Variants in PRKCE observed in about 807,000 individuals in gnomAD.
The protein encoded by PRKCE is protein kinase C epsilon type.
A neutral mutation model predicts 85.4 loss-of-function variants in PRKCE; 16 were observed. The observed-to-expected ratio is 0.19, with a 90% CI of 0.13 to 0.28. PRKCE has a LOEUF of 0.28. Ranked by LOEUF, PRKCE falls within the 10% of genes least tolerant of loss-of-function variation. The pLI is 1.00. For missense variants in PRKCE, 573 were observed against 975.2 expected (o/e 0.59, Z 5.49); for synonymous variants, 388 against 371.5 (o/e 1.04, Z -0.51).
At chr2:46,177,956 G>A (rs976665866) in intron 14 of PRKCE, among the ~76,000 whole-genome samples, 1 of 152,104 alleles carries the variant, frequency 6.6e-6, no homozygotes, top group Non-Finnish European at 1.5e-5. Flanking sequence ...CCACTACCAA[G>A]GATATGGATT....
At chr2:45,933,779 C>G (rs1699240548) in intron 2 of PRKCE, among the ~76,000 whole-genome samples, 1 of 152,108 alleles carries the variant, frequency 6.6e-6, no homozygotes, top group South Asian at 2.1e-4. Context: ...CCCAGCATGC[C>G]TGCCTTTTTA....
chr2:46,174,087 T>C (rs536935697), intron 14 of PRKCE, among the ~76,000 whole-genome samples: 2 of 152,384 alleles, frequency 1.3e-5, no homozygotes, highest in East Asian at 1.9e-4. Context: ...GTGTGTCTAC[T>C]GACTGCCTCC....
chr2:46,052,873 C>G (rs1005156527), intron 10 of PRKCE, among the ~76,000 whole-genome samples: 1 of 152,136 alleles, frequency 6.6e-6, no homozygotes. Flanking sequence ...AATTGATTTC[C>G]AAGAAGAGTA....
chr2:45,940,987 G>A (rs2595194), intron 2 of PRKCE, among the ~76,000 whole-genome samples: 24,969 of 147,306 alleles, frequency 0.17, 2,770 homozygotes, highest in East Asian at 0.53. Flanking sequence ...ACTCGCTTGA[G>A]CCTGGGAGGT....
intron 1 of PRKCE, among the ~76,000 whole-genome samples, chr2:45,825,998 G>T (rs1689914144): frequency 6.6e-6 from 1 of 152,214 alleles, no homozygotes; most frequent in Admixed American, 6.5e-5. Context: ...AAAGTTAACA[G>T]AAGCAGGGCT....
At chr2:45,948,129 A>G (rs146411816) in intron 2 of PRKCE, among the ~76,000 whole-genome samples, 106 of 152,348 alleles carry the variant, frequency 7.0e-4, no homozygotes, top group Admixed American at 1.6e-3. Context: ...GTGCAGAACA[A>G]TCACTTATTA....
intron 1 of PRKCE, among the ~76,000 whole-genome samples, chr2:45,794,850 C>CT (rs1029976359): frequency 1.3e-5 from 2 of 151,224 alleles, no homozygotes; most frequent in African/African-American, 4.9e-5. Flanking sequence ...GCCCTACCCC[C>CT]CCCCCCATCC....
At chr2:45,816,170 G>T (rs1473499692) in intron 1 of PRKCE, among the ~76,000 whole-genome samples, 1 of 152,156 alleles carries the variant, frequency 6.6e-6, no homozygotes, top group African/African-American at 2.4e-5. Context: ...GCCTGGCACT[G>T]CGTCATACAG....
intron 2 of PRKCE, among the ~76,000 whole-genome samples, chr2:45,930,954 G>A (rs187577936): frequency 1.3e-4 from 20 of 152,272 alleles, no homozygotes; most frequent in African/African-American, 3.4e-4. Context: ...CCCTAATGGC[G>A]TGCTGCTGTT....
chr2:45,739,101 G>A (rs745625238), intron 1 of PRKCE, among the ~76,000 whole-genome samples: 7 of 152,208 alleles, frequency 4.6e-5, no homozygotes, highest in Non-Finnish European at 8.8e-5. Context: ...TTCCCAAGTG[G>A]TGGCACAAAT....
chr2:46,093,736 G>C (rs1265110995), intron 11 of PRKCE, among the ~76,000 whole-genome samples: 1 of 151,944 alleles, frequency 6.6e-6, no homozygotes. Flanking sequence ...ACATTATCTA[G>C]TGACCTACCA....
intron 11 of PRKCE, among the ~76,000 whole-genome samples, chr2:46,144,790 A>G (rs1359296178): frequency 6.6e-6 from 1 of 152,188 alleles, no homozygotes; most frequent in Admixed American, 6.5e-5. Context: ...ATTAATATGA[A>G]TGTGGGTGCA....
chr2:45,654,864 G>A (rs1290874528), intron 1 of PRKCE, among the ~76,000 whole-genome samples: 2 of 152,098 alleles, frequency 1.3e-5, no homozygotes, highest in African/African-American at 4.8e-5. Context: ...TTGCAGCTGG[G>A]CTAAGTTCAC....
At chr2:45,790,511 A>G (rs954459656) in intron 1 of PRKCE, among the ~76,000 whole-genome samples, 2 of 152,138 alleles carry the variant, frequency 1.3e-5, no homozygotes, top group Admixed American at 6.6e-5. Flanking sequence ...AAAATAACCT[A>G]TGTGACTGAG....
At chr2:45,989,153 T>TAA (rs1703592062) in intron 6 of PRKCE, among the ~76,000 whole-genome samples, 1 of 152,184 alleles carries the variant, frequency 6.6e-6, no homozygotes, top group Non-Finnish European at 1.5e-5. Flanking sequence ...GAAGCCCTGC[T>TAA]TTTTCTCATC....
chr2:46,167,543 C>G (rs575034033), intron 14 of PRKCE, among the ~76,000 whole-genome samples: 3 of 152,296 alleles, frequency 2.0e-5, no homozygotes, highest in African/African-American at 7.2e-5. Context: ...CAGAAAGCAT[C>G]TGAAGGCAGG....
At chr2:45,930,299 G>C (rs1698941936) in intron 2 of PRKCE, among the ~76,000 whole-genome samples, 1 of 152,242 alleles carries the variant, frequency 6.6e-6, no homozygotes, top group Non-Finnish European at 1.5e-5. Flanking sequence ...AAGTGATTAA[G>C]AGATGGCCTG....
intron 1 of PRKCE, among the ~76,000 whole-genome samples, chr2:45,703,804 CTATCTT>C (rs1308912912): frequency 6.6e-6 from 1 of 151,912 alleles, no homozygotes; most frequent in Non-Finnish European, 1.5e-5. Flanking sequence ...CTTTGGAAAA[CTATCTT>C]TAACTATGCA....
chr2:45,852,531 G>T (rs570936620), intron 2 of PRKCE, among the ~76,000 whole-genome samples: 2 of 152,210 alleles, frequency 1.3e-5, no homozygotes, highest in East Asian at 3.9e-4. Flanking sequence ...AAAGACATAG[G>T]TCCTGCCCTC....
Sources: gnomAD v4.1 joint callset for allele counts (sites outside exome capture counted in the v4.1 genomes callset) on GRCh38, gnomAD v4.1.1 for gene constraint, MANE v1.5 for transcripts, NCBI Gene and HGNC (gene_info 2026-07-23, HGNC 2026-07-21) for gene names.